C8orf34: variants seen among roughly 807,000 people sequenced by gnomAD.
C8orf34 encodes the protein chromosome 8 open reading frame 34.
In C8orf34, 65 loss-of-function variants were observed where a neutral mutation model predicts 68.3. That is an observed-to-expected ratio of 0.95 (90% confidence interval 0.78 to 1.17). The LOEUF (loss-of-function observed/expected upper bound fraction) is 1.17. Among genes scored for constraint, C8orf34 ranks in the 50% most tolerant of loss-of-function variants. The pLI, the probability that C8orf34 is intolerant of heterozygous loss-of-function variation, is 0.00. For synonymous variants in C8orf34, 244 were observed against 241.2 expected (o/e 1.01, Z -0.11); for missense variants, 664 against 655.4 (o/e 1.01, Z -0.14).
At chr8:68,339,612 A>G (rs1805989208) in intron 1 of C8orf34, among the ~76,000 whole-genome samples, 1 of 152,018 alleles carries the variant, frequency 6.6e-6, no homozygotes, top group Non-Finnish European at 1.5e-5. Flanking sequence ...TCATTAAATC[A>G]GTTATAAGTA....
intron 3 of C8orf34, among the ~76,000 whole-genome samples, chr8:68,467,224 G>A (rs1195091932): frequency 2.0e-5 from 3 of 151,784 alleles, no homozygotes; most frequent in African/African-American, 7.3e-5. Flanking sequence ...GATTAAATAT[G>A]TACTCTACAT....
At chr8:68,633,226 A>T (rs1481818270) in intron 7 of C8orf34, among the ~76,000 whole-genome samples, 1 of 152,160 alleles carries the variant, frequency 6.6e-6, no homozygotes, top group Admixed American at 6.5e-5. Flanking sequence ...TAGATAGTAA[A>T]AGAATATAAT....
At chr8:68,535,084 T>A (rs1586336646) in intron 7 of C8orf34, 1 of 985,108 alleles carries the variant, frequency 1.0e-6, no homozygotes, top group East Asian at 1.1e-4. Flanking sequence ...GCTTGGAATG[T>A]TACAAGTCCA....
intron 8 of C8orf34, among the ~76,000 whole-genome samples, chr8:68,681,206 G>T (rs531178813): frequency 1.0e-3 from 158 of 152,258 alleles, no homozygotes; most frequent in African/African-American, 3.6e-3. Flanking sequence ...AATTTGTATA[G>T]TTAACACAAT....
rs372403404 is a variant in C8orf34, at chr8:68,454,450, T to C, written c.607+7990T>C. On this transcript the variant is annotated intron_variant, in intron 3 of 13. Transcript: ENST00000518698. ...ACCGAGTCAAAATCTTTACTTGTTATAAGTCTATTCTGATATTCTATTTCC... is the reference window on the plus strand; with the variant it reads ...ACCGAGTCAAAATCTTTACTTGTTACAAGTCTATTCTGATATTCTATTTCC... 2.8e-4 allele frequency among the ~76,000 whole-genome samples: 42 copies of C among 152,184 alleles called. 1 individual carries two copies. The East Asian group carries it at 6.4e-3, about 23-fold the overall frequency.
intron 10 of C8orf34, among the ~76,000 whole-genome samples, chr8:68,742,415 G>T (rs1351957686): frequency 9.2e-5 from 14 of 152,138 alleles, no homozygotes; most frequent in Admixed American, 9.2e-4. Flanking sequence ...GGTCCCTCAG[G>T]TGTAAAGTCC....
At chr8:68,699,456 T>C (rs931365911) in intron 8 of C8orf34, among the ~76,000 whole-genome samples, 1 of 152,050 alleles carries the variant, frequency 6.6e-6, no homozygotes, top group Admixed American at 6.6e-5. Context: ...ATGAACATAA[T>C]CCTTTCTTTG....
chr8:68,471,133 C>T (rs1160862588), intron 4 of C8orf34, among the ~76,000 whole-genome samples: 2 of 152,094 alleles, frequency 1.3e-5, no homozygotes, highest in East Asian at 3.9e-4. Flanking sequence ...AATGAAGTGT[C>T]ATAGTCAACT....
At chr8:68,549,252 A>G (rs1815985751) in intron 7 of C8orf34, among the ~76,000 whole-genome samples, 1 of 151,782 alleles carries the variant, frequency 6.6e-6, no homozygotes, top group African/African-American at 2.4e-5. Flanking sequence ...AAGCCACCCA[A>G]TCTATGGCAA....
chr8:68,609,929 G>C (rs1294602956), intron 7 of C8orf34, among the ~76,000 whole-genome samples: 1 of 152,096 alleles, frequency 6.6e-6, no homozygotes, highest in Non-Finnish European at 1.5e-5. Context: ...AAAAGACGTG[G>C]AACAGAAGGG....
intron 11 of C8orf34, among the ~76,000 whole-genome samples, chr8:68,787,112 T>C (rs1405740376): frequency 6.6e-6 from 1 of 152,204 alleles, no homozygotes; most frequent in Non-Finnish European, 1.5e-5. Flanking sequence ...AAGAGGCACA[T>C]TTTATGCCAT....
chr8:68,696,438 G>C (rs1585743631), intron 8 of C8orf34, among the ~76,000 whole-genome samples: 1 of 150,042 alleles, frequency 6.7e-6, no homozygotes, highest in South Asian at 2.1e-4. Flanking sequence ...GTCCTTTACT[G>C]TTCATATTTA....
chr8:68,762,384 G>T (rs1379931447), intron 10 of C8orf34, among the ~76,000 whole-genome samples: 1 of 152,068 alleles, frequency 6.6e-6, no homozygotes, highest in Non-Finnish European at 1.5e-5. Flanking sequence ...TTTCAGATGG[G>T]GCTAAATAGT....
intron 10 of C8orf34, among the ~76,000 whole-genome samples, chr8:68,748,976 T>G (rs958576366): frequency 6.6e-6 from 1 of 151,954 alleles, no homozygotes; most frequent in Non-Finnish European, 1.5e-5. Flanking sequence ...AGCAAAGACT[T>G]GGAACCAACC....
intron 7 of C8orf34, among the ~76,000 whole-genome samples, chr8:68,633,429 C>T (rs1277147994): frequency 6.6e-6 from 1 of 152,134 alleles, no homozygotes; most frequent in Non-Finnish European, 1.5e-5. Flanking sequence ...ATTTTGTTAT[C>T]TATCTTCTTA....
chr8:68,402,023 C>A (rs1490045965), intron 1 of C8orf34, among the ~76,000 whole-genome samples: 1 of 152,078 alleles, frequency 6.6e-6, no homozygotes, highest in Non-Finnish European at 1.5e-5. Context: ...AATTTGGCTA[C>A]AAATTCACCT....
Position 68,758,019 on chromosome 8 carries a change from A to C in C8orf34, c.1405-18380A>C, listed in dbSNP as rs575893497. On this transcript the variant is annotated intron_variant, in intron 10 of 13. Coordinates refer to ENST00000518698, the MANE Select transcript of C8orf34 (RefSeq NM_052958.4). ...CTGGATTCTTGGATTGGAATAGCCC[A>C]ACAAAGTACACGTTCAGTCAGTCAG... 3.9e-5 allele frequency among the ~76,000 whole-genome samples: 6 copies of C among 152,346 alleles called. No homozygotes were observed. The South Asian group carries it at 1.2e-3, about 32-fold the overall frequency.
intron 9 of C8orf34, among the ~76,000 whole-genome samples, chr8:68,717,205 T>G (rs1369418906): frequency 2.6e-5 from 4 of 152,076 alleles, no homozygotes; most frequent in African/African-American, 9.7e-5. Context: ...AATGCCATTT[T>G]TATAAAGCTC....
intron 8 of C8orf34, among the ~76,000 whole-genome samples, chr8:68,650,444 C>T (rs544738836): frequency 2.7e-5 from 4 of 150,312 alleles, no homozygotes; most frequent in Admixed American, 6.6e-5. Context: ...TCATTTGCAT[C>T]GAGCGGGAAA....
Sources: gnomAD v4.1 joint callset for allele counts (sites outside exome capture counted in the v4.1 genomes callset) on GRCh38, gnomAD v4.1.1 for gene constraint, MANE v1.5 for transcripts, NCBI Gene and HGNC (gene_info 2026-07-23, HGNC 2026-07-21) for gene names.